Variants in ZNF780B observed in about 807,000 individuals in gnomAD.
ZNF780B encodes zinc finger protein 780B.
ZNF780B carries 52 observed loss-of-function variants against 74.1 expected under a neutral mutation model. The observed-to-expected ratio is 0.70, with a 90% CI of 0.56 to 0.88. ZNF780B has a LOEUF of 0.88. Among genes scored for constraint, ZNF780B ranks in the 40% least tolerant of loss-of-function variants. The pLI is 0.00. For missense variants in ZNF780B, 953 were observed against 1,007.6 expected, an observed-to-expected ratio of 0.95 and a Z score of 0.73; for synonymous variants, 315 against 324.3, an observed-to-expected ratio of 0.97 and a Z score of 0.31.
chr19:40,032,232 G>A lies in ZNF780B; in HGVS notation c.*2125C>T, dbSNP rs1972033706. 2 of 360,356 alleles carry A rather than the reference G, an allele frequency of 5.6e-6. No homozygotes were observed. The highest frequency in any genetic ancestry group is 1.1e-5 in the Non-Finnish European group (2 of 184,284). 22.3% of individuals were successfully genotyped at this position (360,356 alleles called of 1,614,324 possible). On this transcript the variant is annotated 3_prime_UTR_variant, in exon 5 of 5. Coordinates refer to ENST00000434248, the MANE Select transcript of ZNF780B (RefSeq NM_001005851.3). ...GTTGGTATCACAGACACAAAACCTG[G>A]AGAAATAATAAAAAACAGAGGCCCA...
chr19:40,045,966 C>T (rs559174683), intron 4 of ZNF780B, among the ~76,000 whole-genome samples: 26 of 151,994 alleles, frequency 1.7e-4, no homozygotes, highest in African/African-American at 2.9e-4. Context: ...CCAGCCTGGG[C>T]GACAAGAATG....
In ZNF780B at chr19:40,050,052, C is replaced by T. The variant is rs1029178756; in HGVS notation, c.9+272G>A. 3.3e-5 allele frequency among the ~76,000 whole-genome samples: 5 copies of T among 151,944 alleles called. No individual in the cohort carries two copies. In the South Asian group the frequency reaches 1.0e-3, roughly 32 times the overall value. Reference sequence around the variant, plus strand: ...CTCTACCAAAAATACAAAAAATTAGCCAGGCGTGCTGGTGGGTGCCTGTAG... The same window carrying T: ...CTCTACCAAAAATACAAAAAATTAGTCAGGCGTGCTGGTGGGTGCCTGTAG... On this transcript the variant is annotated intron_variant, in intron 2 of 4. Transcript: ENST00000434248.
chr19:40,054,375 G>C (rs1048554905), intron 1 of ZNF780B, among the ~76,000 whole-genome samples: 1 of 152,190 alleles, frequency 6.6e-6, no homozygotes, highest in Non-Finnish European at 1.5e-5. Context: ...GTAGTGCTAA[G>C]AGAGTGGATA....
At chr19:40,053,437 G>A (rs1360420205) in intron 1 of ZNF780B, among the ~76,000 whole-genome samples, 1 of 152,180 alleles carries the variant, frequency 6.6e-6, no homozygotes. Flanking sequence ...GTAGAGAAAT[G>A]TGAACCATTG....
In ZNF780B at chr19:40,035,050, A is replaced by G; in HGVS notation, c.1809T>C (p.His603=). The change falls in exon 5 of 5, where the codon CAT becomes CAC. Residue 603 remains histidine, a synonymous_variant. Coordinates refer to ENST00000434248, the MANE Select transcript of ZNF780B (RefSeq NM_001005851.3). ...AFRLHMHLIR[H]QKFHTGEKPF... ...GCTTCTCACCAGTATGAAATTTCTG[A>G]TGTCGAATAAGGTGCATATGAAGTC... 1 of 1,614,142 alleles carries G rather than the reference A, an allele frequency of 6.2e-7. No individual in the cohort carries two copies. Among genetic ancestry groups the G allele is most frequent in the Admixed American group, 1.7e-5 (1 of 60,018 alleles).
rs765291021 is a variant in ZNF780B at position 40,034,521 on chromosome 19, G to A, written c.2338C>T (p.Pro780Ser). The change falls in exon 5 of 5, where the codon CCC becomes TCC. Residue 780 changes from proline (P) to serine (S), a missense_variant. Physicochemically the swap from Pro to Ser is moderately conservative, Grantham distance 74. Transcript: ENST00000434248. ...TTCCCACACTCCTTACATTCATAGG[G>A]TTTCTCACCAGTATGAATACTCTGA... ...QPQSIHTGEKPYECKECGKAF... is the reference protein window; with the variant it reads ...QPQSIHTGEKSYECKECGKAF... 1 of 1,614,004 alleles carries A rather than the reference G, an allele frequency of 6.2e-7. No homozygotes were observed. The highest frequency in any genetic ancestry group is 2.2e-5 in the East Asian group (1 of 44,872).
At chr19:40,036,910 CT>C (rs112920803) in intron 4 of ZNF780B, among the ~76,000 whole-genome samples, 1,737 of 139,366 alleles carry the variant, frequency 0.012, 11 homozygotes, top group African/African-American at 0.023. Flanking sequence ...GTGAAGAAAG[CT>C]TTTTTTTTTT....
chr19:40,050,624 A>G (rs1199861553), intron 1 of ZNF780B, among the ~76,000 whole-genome samples: 1 of 152,248 alleles, frequency 6.6e-6, no homozygotes, highest in Non-Finnish European at 1.5e-5. Flanking sequence ...GGAAGCATGA[A>G]TGCCGAGCAC....
intron 1 of ZNF780B, among the ~76,000 whole-genome samples, chr19:40,054,646 G>C (rs1973398104): frequency 6.6e-6 from 1 of 152,176 alleles, no homozygotes; most frequent in Non-Finnish European, 1.5e-5. Context: ...CAAGGGAAAT[G>C]ACCTAAAATG....
In ZNF780B at chr19:40,028,454, T is replaced by G. The variant is rs1357605393; in HGVS notation, c.*5903A>C. On this transcript the variant is annotated 3_prime_UTR_variant, in exon 5 of 5. Transcript: ENST00000434248. ...TGTCTCCCTTATGGGTACTGTGATTTCAATAGGGTGTGGGATAAGTACATG... is the reference window on the plus strand; with the variant it reads ...TGTCTCCCTTATGGGTACTGTGATTGCAATAGGGTGTGGGATAAGTACATG... 1 of 152,208 alleles carries G rather than the reference T, an allele frequency of 6.6e-6. No homozygotes were observed. The highest frequency in any genetic ancestry group is 2.4e-5 in the African/African-American group (1 of 41,450). The allele number at this position is 152,208 out of a possible 1,614,324, so 9.4% of individuals were successfully genotyped here.
At chr19:40,053,384 G>A (rs552998150) in intron 1 of ZNF780B, among the ~76,000 whole-genome samples, 1 of 152,284 alleles carries the variant, frequency 6.6e-6, no homozygotes, top group African/African-American at 2.4e-5. Flanking sequence ...ATGTGTTGGG[G>A]TGGCTATTGA....
chr19:40,042,816 A>C (rs556271934), intron 4 of ZNF780B, among the ~76,000 whole-genome samples: 37 of 152,104 alleles, frequency 2.4e-4, no homozygotes, highest in African/African-American at 8.9e-4. Flanking sequence ...ATTTTTTTTC[A>C]TAGTTTTTAA....
rs144556991 is a variant in ZNF780B at position 40,035,996 on chromosome 19, C to T, written c.863G>A (p.Arg288His). ...TTGATGCTGAATAAGATTTGAACCA[C>T]GATTAAAGGCTTTCCCACACTCCTT... The part of the protein sequence containing the change: ...QCKECGKAFN[R>H]GSNLIQHQKI... Residue 288 changes from arginine (R) to histidine (H), a missense_variant, in exon 5 of 5, where the codon CGT becomes CAT. Physicochemically the swap from Arg to His is conservative, Grantham distance 29. Transcript: ENST00000434248. The T allele has an allele frequency of 3.5e-5, 56 of 1,613,920 alleles. No homozygotes were observed. The East Asian group carries it at 9.4e-4, about 27-fold the overall frequency.
At chr19:40,037,218 A>G (rs1047947779) in intron 4 of ZNF780B, among the ~76,000 whole-genome samples, 1 of 131,836 alleles carries the variant, frequency 7.6e-6, no homozygotes, top group East Asian at 2.2e-4. Flanking sequence ...CCTGGCCTCT[A>G]TTTTTTTTTT....
At chr19:40,045,385 T>A (rs1425807391) in intron 4 of ZNF780B, among the ~76,000 whole-genome samples, 1 of 152,166 alleles carries the variant, frequency 6.6e-6, no homozygotes, top group Non-Finnish European at 1.5e-5. Context: ...TATAAATTAG[T>A]ACAATCACTA....
chr19:40,046,477 G>A (rs1233223707), intron 4 of ZNF780B, among the ~76,000 whole-genome samples: 3 of 152,120 alleles, frequency 2.0e-5, no homozygotes, highest in East Asian at 1.9e-4. Flanking sequence ...ATACGACTCC[G>A]ACGTAACTCT....
At chr19:40,039,114 T>G (rs1972504358) in intron 4 of ZNF780B, among the ~76,000 whole-genome samples, 2 of 151,728 alleles carry the variant, frequency 1.3e-5, no homozygotes, top group South Asian at 4.1e-4. Context: ...GGATCCAGTT[T>G]CAGCTTTCTA....
At chr19:40,045,833 C>T (rs969025768) in intron 4 of ZNF780B, among the ~76,000 whole-genome samples, 1 of 151,916 alleles carries the variant, frequency 6.6e-6, no homozygotes, top group African/African-American at 2.4e-5. Context: ...ATTAAAAATA[C>T]AAAAATTAGC....
intron 4 of ZNF780B, among the ~76,000 whole-genome samples, chr19:40,038,443 C>T (rs1972462466): frequency 6.6e-6 from 1 of 151,798 alleles, no homozygotes; most frequent in East Asian, 1.9e-4. Flanking sequence ...AATGGGATGG[C>T]TGGGTCAAAT....
Sources: allele counts gnomAD v4.1 joint callset (sites outside exome capture counted in the v4.1 genomes callset), GRCh38; gene constraint gnomAD v4.1.1; transcripts MANE v1.5; gene names NCBI Gene and HGNC (gene_info 2026-07-23, HGNC 2026-07-21).